Variants in MED12L observed in about 807,000 individuals in gnomAD.
The protein encoded by MED12L is mediator complex subunit 12L.
In MED12L, 60 loss-of-function variants were observed where a neutral mutation model predicts 281.3. The observed-to-expected ratio is 0.21, with a 90% CI of 0.17 to 0.26. The LOEUF is 0.26. Ranked by LOEUF, MED12L falls within the 10% of genes least tolerant of loss-of-function variation. MED12L has a pLI of 1.00. For missense variants in MED12L, 2,146 were observed against 2,680.9 expected, an observed-to-expected ratio of 0.80 and a Z score of 4.41; for synonymous variants, 974 against 987.2, an observed-to-expected ratio of 0.99 and a Z score of 0.25.
chr3:151,264,943 C>G (rs1211912473), intron 16 of MED12L, among the ~76,000 whole-genome samples: 1 of 152,162 alleles, frequency 6.6e-6, no homozygotes, highest in Non-Finnish European at 1.5e-5. Flanking sequence ...TCTTGCTCCT[C>G]CACTTCAAAG....
intron 16 of MED12L, among the ~76,000 whole-genome samples, chr3:151,200,049 G>C (rs1192426342): frequency 6.6e-6 from 1 of 152,056 alleles, no homozygotes; most frequent in Non-Finnish European, 1.5e-5. Flanking sequence ...AAAATCCTTG[G>C]AGAAAGATTT....
intron 38 of MED12L, among the ~76,000 whole-genome samples, chr3:151,391,899 A>T (rs911038228): frequency 3.3e-5 from 5 of 152,178 alleles, no homozygotes; most frequent in Admixed American, 2.0e-4. Flanking sequence ...TACAAACTAG[A>T]CTCAGAGTGA....
chr3:151,388,335 T>C (rs544281344), intron 37 of MED12L, among the ~76,000 whole-genome samples, 163 bp downstream of exon 37: 11 of 152,336 alleles, frequency 7.2e-5, no homozygotes, highest in Admixed American at 2.6e-4. Context: ...CACAATGACT[T>C]GTCACAGACA....
intron 16 of MED12L, among the ~76,000 whole-genome samples, chr3:151,252,133 A>T (rs747808870): frequency 2.0e-5 from 3 of 152,134 alleles, no homozygotes; most frequent in African/African-American, 7.2e-5. Flanking sequence ...CCTATGCAGG[A>T]TAAACTCACC....
At chr3:151,094,159 G>C (rs1340391743) in intron 2 of MED12L, among the ~76,000 whole-genome samples, 2 of 152,178 alleles carry the variant, frequency 1.3e-5, no homozygotes, top group African/African-American at 4.8e-5. Context: ...GTAGTAGAGA[G>C]TTAAAGAAAA....
At chr3:151,170,500 T>G (rs910088712) in intron 11 of MED12L, among the ~76,000 whole-genome samples, 6 of 151,976 alleles carry the variant, frequency 3.9e-5, no homozygotes, top group African/African-American at 1.2e-4. Context: ...GTTCTTGAAC[T>G]CTTGACCTCG....
chr3:151,168,430 C>T (rs1720990867), intron 11 of MED12L, among the ~76,000 whole-genome samples: 1 of 152,172 alleles, frequency 6.6e-6, no homozygotes. Flanking sequence ...CTTCCCCTAC[C>T]TGAGTGACTT....
At chr3:151,236,100 C>G (rs1449838295) in intron 16 of MED12L, among the ~76,000 whole-genome samples, 1 of 152,106 alleles carries the variant, frequency 6.6e-6, no homozygotes, top group African/African-American at 2.4e-5. Context: ...CTTTGCCAGA[C>G]CAGAATTTAT....
At chr3:151,278,113 TA>T (rs1298200367) in intron 16 of MED12L, among the ~76,000 whole-genome samples, 1 of 152,206 alleles carries the variant, frequency 6.6e-6, no homozygotes, top group Admixed American at 6.5e-5. Context: ...CATGGGGAAA[TA>T]TATTAATATA....
intron 16 of MED12L, chr3:151,270,196 CGTGTGTGTGTGTGTGTGTGTGTGT>C (rs55920434): frequency 1.5e-5 from 2 of 129,644 alleles, no homozygotes; most frequent in Non-Finnish European, 3.0e-5. Context: ...AGCAAGCTGT[CGTGTGTGTGTGTGTGTGTGTGTGT>C]GTGTGTGTGT....
intron 43 of MED12L, among the ~76,000 whole-genome samples, chr3:151,418,029 A>G (rs1717824086): frequency 6.6e-6 from 1 of 152,180 alleles, no homozygotes; most frequent in Non-Finnish European, 1.5e-5. Context: ...CCCGTACAAG[A>G]ACGAGATACA....
intron 5 of MED12L, among the ~76,000 whole-genome samples, chr3:151,152,613 T>G (rs1718710297): frequency 6.6e-6 from 1 of 152,182 alleles, no homozygotes; most frequent in Non-Finnish European, 1.5e-5. Context: ...TAGCTACCAC[T>G]TATTGATTTC....
chr3:151,269,606 T>A (rs1390506877), intron 16 of MED12L: 3 of 347,540 alleles, frequency 8.6e-6, no homozygotes, highest in African/African-American at 4.4e-5. Context: ...TCTACATTAC[T>A]TGGGGAGGAA....
At chr3:151,106,924 A>T (rs1208444153) in intron 2 of MED12L, among the ~76,000 whole-genome samples, 1 of 152,106 alleles carries the variant, frequency 6.6e-6, no homozygotes, top group African/African-American at 2.4e-5. Context: ...GTATGTCTTT[A>T]TATTTAAAGT....
At chr3:151,272,636 G>C (rs545075874) in intron 16 of MED12L, among the ~76,000 whole-genome samples, 1 of 152,316 alleles carries the variant, frequency 6.6e-6, no homozygotes, top group South Asian at 2.1e-4. Context: ...ATAAAATATT[G>C]AGTACACAAC....
intron 16 of MED12L, among the ~76,000 whole-genome samples, chr3:151,226,858 G>A (rs2149300014): frequency 6.6e-6 from 1 of 152,294 alleles, no homozygotes; most frequent in East Asian, 1.9e-4. Flanking sequence ...GAGAGATACA[G>A]AGTCGGACTA....
At chr3:151,429,486 G>C (rs984505515) in intron 43 of MED12L, among the ~76,000 whole-genome samples, 1 of 152,190 alleles carries the variant, frequency 6.6e-6, no homozygotes, top group Non-Finnish European at 1.5e-5. Flanking sequence ...GGGGAAGAAA[G>C]AAAAGGAGAA....
At chr3:151,368,644 CATTTCATT>C (rs1755672675) in intron 25 of MED12L, among the ~76,000 whole-genome samples, 1 of 61,046 alleles carries the variant, frequency 1.6e-5, no homozygotes, top group African/African-American at 8.0e-5. Context: ...CATTTCATTT[CATTTCATT>C]TCATTTCATT....
chr3:151,126,221 A>G lies in MED12L; in HGVS notation c.397-1604A>G, dbSNP rs116267901. On this transcript the variant is annotated intron_variant, in intron 4 of 44. Coordinates refer to ENST00000687756, the MANE Select transcript of MED12L (RefSeq NM_001393769.1). ...GTGCCACCACACTCACCTGATTTTT[A>G]TATTTTTAGTAAGGTTTTGCCATGC... is the stretch of plus-strand genomic sequence containing the variant. Among the ~76,000 whole-genome samples the G allele has an allele frequency of 9.5e-3, 1,436 of 151,680 alleles. 8 individuals carry two copies. Among genetic ancestry groups the G allele is most frequent in the Non-Finnish European group, 0.014 (963 of 67,902 alleles).
Sources: allele counts gnomAD v4.1 joint callset (sites outside exome capture counted in the v4.1 genomes callset), GRCh38; gene constraint gnomAD v4.1.1; transcripts MANE v1.5; gene names NCBI Gene and HGNC (gene_info 2026-07-23, HGNC 2026-07-21).